ANKRD31: variants seen among roughly 807,000 people sequenced by gnomAD.
ANKRD31 encodes ankyrin repeat domain 31.
ANKRD31 carries 147 observed loss-of-function variants against 186.0 expected under a neutral mutation model. The ratio of observed to expected loss-of-function variants is 0.79; its 90% CI spans 0.69 to 0.91. ANKRD31 has a LOEUF of 0.91. ANKRD31 is among the 40% of genes least tolerant of loss of function. ANKRD31 has a pLI of 0.00. For missense variants in ANKRD31, 1,986 were observed against 2,148.8 expected (o/e 0.92, Z 1.50); for synonymous variants, 673 against 736.4 (o/e 0.91, Z 1.39).
Position 75,116,659 on chromosome 5 carries a change from A to C in ANKRD31, c.4062T>G (p.Ser1354=). The change falls in exon 19 of 26, where the codon TCT becomes TCG. Residue 1354 remains serine, a synonymous_variant. Transcript: ENST00000506364. ...CACAAAAACACTGTTTATGTCTTTTAGACCGGACAGCAGGAATTTTTTCTT... is the reference window on the plus strand; with the variant it reads ...CACAAAAACACTGTTTATGTCTTTTCGACCGGACAGCAGGAATTTTTTCTT... ...IVNEKIPAVR[S]KRHKQCFCDD... 2.1e-6 allele frequency: 3 copies of C among 1,431,832 alleles called. No homozygotes were observed. Among genetic ancestry groups the C allele is most frequent in the Non-Finnish European group, 2.8e-6 (3 of 1,085,232 alleles). The allele number at this position is 1,431,832 out of a possible 1,614,324, so 88.7% of individuals were successfully genotyped here.
At chr5:75,080,272 A>C (rs1744981217) in intron 25 of ANKRD31, among the ~76,000 whole-genome samples, 1 of 152,212 alleles carries the variant, frequency 6.6e-6, no homozygotes, top group Non-Finnish European at 1.5e-5. Flanking sequence ...CAATCTTTTA[A>C]ATCACGTTCA....
chr5:75,137,756 T>C (rs1018942347), intron 17 of ANKRD31, 100 bp downstream of exon 17: 5 of 1,153,784 alleles, frequency 4.3e-6, no homozygotes, highest in East Asian at 5.7e-5. Flanking sequence ...AAATCACTTG[T>C]TTTACTGAAT....
At chr5:75,141,616 TGA>T (rs1751051612) in intron 15 of ANKRD31, among the ~76,000 whole-genome samples, 1 of 151,826 alleles carries the variant, frequency 6.6e-6, no homozygotes, top group Admixed American at 6.6e-5. Flanking sequence ...CCAGCCTGGG[TGA>T]CAGAGCGAGA....
At chr5:75,216,822 A>T (rs964824104) in intron 3 of ANKRD31, among the ~76,000 whole-genome samples, 3 of 152,080 alleles carry the variant, frequency 2.0e-5, no homozygotes, top group Admixed American at 2.0e-4. Context: ...TACTTTAAAA[A>T]AAAATTGAGA....
chr5:75,074,759 CA>C (rs1357341006), intron 25 of ANKRD31, among the ~76,000 whole-genome samples: 1 of 152,084 alleles, frequency 6.6e-6, no homozygotes, highest in Non-Finnish European at 1.5e-5. Flanking sequence ...AAAGATACAG[CA>C]AACTGATTTC....
chr5:75,114,127 T>C (rs1407210815), intron 19 of ANKRD31, among the ~76,000 whole-genome samples: 3 of 152,196 alleles, frequency 2.0e-5, no homozygotes, highest in Non-Finnish European at 4.4e-5. Context: ...AAGCAACTGC[T>C]ATGTTCTTTT....
chr5:75,078,547 A>G (rs73765675), intron 25 of ANKRD31, among the ~76,000 whole-genome samples: 14,869 of 152,132 alleles, frequency 0.098, 757 homozygotes, highest in East Asian at 0.14. Context: ...GAAATAAAAG[A>G]CTTCAGGTGA....
chr5:75,136,418 C>T (rs762505694), intron 17 of ANKRD31, among the ~76,000 whole-genome samples: 4 of 152,172 alleles, frequency 2.6e-5, no homozygotes, highest in South Asian at 2.1e-4. Flanking sequence ...AAAAAAAGCT[C>T]GTCATCACTG....
intron 2 of ANKRD31, among the ~76,000 whole-genome samples, chr5:75,223,613 T>C (rs1757433975): frequency 6.6e-6 from 1 of 152,022 alleles, no homozygotes; most frequent in Non-Finnish European, 1.5e-5. Context: ...AATATAGAAA[T>C]ATACCCCCTA....
At chr5:75,105,546 GATCATCTATCTA>G (rs1473080432) in intron 21 of ANKRD31, among the ~76,000 whole-genome samples, 2 of 152,016 alleles carry the variant, frequency 1.3e-5, no homozygotes, top group Non-Finnish European at 2.9e-5. Context: ...ACAAAACTTG[GATCATCTATCTA>G]AACATCTATT....
At chr5:75,106,858 A>C (rs1747363933) in intron 21 of ANKRD31, among the ~76,000 whole-genome samples, 1 of 152,166 alleles carries the variant, frequency 6.6e-6, no homozygotes, top group South Asian at 2.1e-4. Context: ...TGATTTTTTA[A>C]AATAAGTTCA....
At chr5:75,192,858 A>G in intron 8 of ANKRD31, 82 bp from the exon 9 acceptor site, 1 of 1,055,904 alleles carries the variant, frequency 9.5e-7, no homozygotes, top group Non-Finnish European at 1.4e-6. Flanking sequence ...TTTGAATACA[A>G]TATTAAAACT....
At chr5:75,170,812 T>C (rs1190732906) in intron 10 of ANKRD31, among the ~76,000 whole-genome samples, 3 of 152,002 alleles carry the variant, frequency 2.0e-5, no homozygotes, top group Admixed American at 6.6e-5. Flanking sequence ...GCAGTAAACA[T>C]AAGAAGGCTA....
Position 75,146,449 on chromosome 5 carries a change from T to G in ANKRD31, c.2962A>C (p.Asn988His), listed in dbSNP as rs1751445486. ...DNAVISEHVA[N>H]YEQCIFGPSF... ...GGTCCAAATATGCATTGTTCATAATTTGCAACATGTTCAGAAATAACTGCA... is the reference window on the plus strand; with the variant it reads ...GGTCCAAATATGCATTGTTCATAATGTGCAACATGTTCAGAAATAACTGCA... The change falls in exon 14 of 26, where the codon AAT (asparagine) becomes CAT (histidine). Residue 988 changes from asparagine (N) to histidine (H), a missense_variant. Transcript: ENST00000506364. 1.3e-6 allele frequency: 2 copies of G among 1,536,320 alleles called. No homozygotes were observed. The highest frequency in any genetic ancestry group is 2.0e-5 in the Admixed American group (1 of 50,924).
chr5:75,195,081 A>G (rs1398673519), intron 7 of ANKRD31, among the ~76,000 whole-genome samples: 1 of 152,160 alleles, frequency 6.6e-6, no homozygotes, highest in African/African-American at 2.4e-5. Context: ...TACTACAAGA[A>G]TTCTAAACCC....
rs1198680226 is a variant in ANKRD31 at position 75,104,589 on chromosome 5, T to C, written c.4970A>G (p.His1657Arg). 12 of 1,536,210 alleles carry C rather than the reference T, an allele frequency of 7.8e-6. No individual in the cohort carries two copies. Among genetic ancestry groups the C allele is most frequent in the South Asian group, 1.2e-5 (1 of 83,754 alleles). The change falls in exon 22 of 26, where the codon CAT (histidine) becomes CGT (arginine). Residue 1657 changes from histidine (H) to arginine (R), a missense_variant. Coordinates refer to ENST00000506364, the MANE Select transcript of ANKRD31 (RefSeq NM_001372053.1). ...TASVLAENAA[H>R]PSNIICDQDL... Reference sequence around the variant, plus strand: ...CTGATCACAAATAATATTTGATGGATGGGCAGCATTTTCGGCAAGGACACT... The same window carrying C: ...CTGATCACAAATAATATTTGATGGACGGGCAGCATTTTCGGCAAGGACACT...
In ANKRD31 at chr5:75,104,871, G is replaced by C. The variant is rs1404277903; in HGVS notation, c.4688C>G (p.Ala1563Gly). ...TCCAGAAAATTCTCCCCTTCTCACTGCCTCTGAATTTAGACAAATGTTGGT... is the reference window on the plus strand; with the variant it reads ...TCCAGAAAATTCTCCCCTTCTCACTCCCTCTGAATTTAGACAAATGTTGGT... ...QNTNICLNSE[A>G]VRRGEFSGND... Residue 1563 changes from alanine to glycine, a missense_variant, in exon 22 of 26, where the codon GCA becomes GGA. By Grantham distance (60) the Ala-to-Gly change is moderately conservative (BLOSUM62 0). Transcript: ENST00000506364. 1 of 1,537,104 alleles carries C rather than the reference G, an allele frequency of 6.5e-7. No homozygotes were observed. Among genetic ancestry groups the C allele is most frequent in the Non-Finnish European group, 8.7e-7 (1 of 1,146,874 alleles).
chr5:75,226,326 G>C (rs1274381952), intron 2 of ANKRD31, among the ~76,000 whole-genome samples: 1 of 152,096 alleles, frequency 6.6e-6, no homozygotes, highest in Non-Finnish European at 1.5e-5. Context: ...GCCAGGTAAT[G>C]GCTACAGCAG....
At chr5:75,151,737 AT>A (rs1474059731) in intron 12 of ANKRD31, among the ~76,000 whole-genome samples, 3 of 152,078 alleles carry the variant, frequency 2.0e-5, no homozygotes, top group Admixed American at 6.6e-5. Flanking sequence ...TAATAGACTT[AT>A]CAAAGGGTTT....
Sources: allele counts gnomAD v4.1 joint callset (sites outside exome capture counted in the v4.1 genomes callset), GRCh38; gene constraint gnomAD v4.1.1; transcripts MANE v1.5; gene names NCBI Gene and HGNC (gene_info 2026-07-23, HGNC 2026-07-21).